Variants in BLTP3A observed in about 807,000 individuals in gnomAD.
BLTP3A encodes bridge-like lipid transfer protein family member 3A, also known as ICBP90 binding protein 1.
At chr6:34,795,404 GT>G in the BLTP3A span, among the ~76,000 whole-genome samples, 17 of 138,594 alleles carry the variant, frequency 1.2e-4, no homozygotes, top group African/African-American at 1.9e-4. Flanking sequence ...TTTGTTTTTT[GT>G]TTTTTTTTTT....
chr6:34,844,776 G>A, the BLTP3A span, among the ~76,000 whole-genome samples: 1 of 152,172 alleles, frequency 6.6e-6, no homozygotes, highest in East Asian at 1.9e-4. Context: ...TGAATAGTTT[G>A]CAAATGTTTT....
At chr6:34,849,414 C>A in the BLTP3A span, among the ~76,000 whole-genome samples, 1 of 152,064 alleles carries the variant, frequency 6.6e-6, no homozygotes, top group African/African-American at 2.4e-5. Context: ...ACACTGATTA[C>A]AAAAACAAAC....
At chr6:34,792,234 C>G in the BLTP3A span, 1 of 1,533,962 alleles carries the variant, frequency 6.5e-7, no homozygotes, top group Non-Finnish European at 8.8e-7. Flanking sequence ...GCCTTCCACG[C>G]GGGCCGCGGC....
At chr6:34,799,726 A>G in the BLTP3A span, among the ~76,000 whole-genome samples, 1 of 152,204 alleles carries the variant, frequency 6.6e-6, no homozygotes, top group Non-Finnish European at 1.5e-5. Context: ...AGCTTCTCCA[A>G]GTTTCAATTT....
the BLTP3A span, among the ~76,000 whole-genome samples, chr6:34,822,713 C>T: frequency 1.3e-5 from 2 of 151,734 alleles, no homozygotes; most frequent in African/African-American, 2.4e-5. Context: ...AAAAATTAGC[C>T]AGGTGTGGTG....
chr6:34,850,115 C>T, the BLTP3A span, among the ~76,000 whole-genome samples: 1 of 151,582 alleles, frequency 6.6e-6, no homozygotes, highest in Admixed American at 6.6e-5. Context: ...TGCACTCCAG[C>T]CTGGGTGACA....
At chr6:34,828,096 C>A in the BLTP3A span, among the ~76,000 whole-genome samples, 1 of 151,982 alleles carries the variant, frequency 6.6e-6, no homozygotes, top group Non-Finnish European at 1.5e-5. Context: ...CACCTTTTTT[C>A]TGTACAACAT....
the BLTP3A span, chr6:34,822,079 G>T: frequency 8.4e-7 from 1 of 1,185,764 alleles, no homozygotes; most frequent in East Asian, 2.4e-5. Context: ...ATGTCCCTGT[G>T]AGCTTCTCTC....
chr6:34,823,643 A>G, the BLTP3A span, among the ~76,000 whole-genome samples: 5 of 150,820 alleles, frequency 3.3e-5, no homozygotes, highest in Non-Finnish European at 3.0e-5. Context: ...CCTGGGCTCA[A>G]TCAGTCCTTC....
chr6:34,844,065 C>G, the BLTP3A span, among the ~76,000 whole-genome samples: 2 of 151,662 alleles, frequency 1.3e-5, no homozygotes, highest in Non-Finnish European at 2.9e-5. Context: ...ACTGCAAGCT[C>G]CGCCTCCCAG....
chr6:34,819,146 T>C, the BLTP3A span, among the ~76,000 whole-genome samples: 2 of 142,064 alleles, frequency 1.4e-5, no homozygotes, highest in African/African-American at 5.4e-5. Context: ...TTTTTCTTTT[T>C]TTTTTTTTAC....
chr6:34,835,428 C>T, the BLTP3A span: 2 of 1,614,038 alleles, frequency 1.2e-6, no homozygotes, highest in African/African-American at 1.3e-5. Flanking sequence ...AGAAGTCAGC[C>T]CATCAAAGAA....
At chr6:34,840,491 A>C in the BLTP3A span, among the ~76,000 whole-genome samples, 1 of 150,846 alleles carries the variant, frequency 6.6e-6, no homozygotes, top group African/African-American at 2.4e-5. Flanking sequence ...GCTTGAACCC[A>C]GGAGGTGGAG....
the BLTP3A span, among the ~76,000 whole-genome samples, chr6:34,851,356 A>G: frequency 6.8e-4 from 103 of 152,324 alleles, 1 homozygote; most frequent in Middle Eastern, 3.4e-3. Flanking sequence ...CTGTATCTGC[A>G]TCAAGGGACA....
the BLTP3A span, among the ~76,000 whole-genome samples, chr6:34,820,802 C>T: frequency 6.3e-3 from 925 of 145,734 alleles, 18 homozygotes; most frequent in African/African-American, 0.023. Flanking sequence ...TAGGCATGCA[C>T]CACCATGCCT....
chr6:34,837,647 C>T, the BLTP3A span, among the ~76,000 whole-genome samples: 255 of 152,160 alleles, frequency 1.7e-3, no homozygotes, highest in African/African-American at 5.8e-3. Context: ...CCACTACACT[C>T]CAGCCTGGGT....
At chr6:34,856,579 A>G in the BLTP3A span, among the ~76,000 whole-genome samples, 2 of 152,232 alleles carry the variant, frequency 1.3e-5, no homozygotes, top group Admixed American at 6.5e-5. Context: ...GGATAGCCAC[A>G]GTGTTGATGT....
At chr6:34,875,087 T>C in the BLTP3A span, 1 of 152,582 alleles carries the variant, frequency 6.6e-6, no homozygotes, top group Non-Finnish European at 1.5e-5. Flanking sequence ...TCATAGCAAA[T>C]CAGAAATGTA....
the BLTP3A span, among the ~76,000 whole-genome samples, chr6:34,848,865 C>T: frequency 6.7e-6 from 1 of 149,578 alleles, no homozygotes; most frequent in Non-Finnish European, 1.5e-5. Context: ...AATTTGGTTT[C>T]TGGCCTTCTT....
Sources: allele counts gnomAD v4.1 joint callset (sites outside exome capture counted in the v4.1 genomes callset), GRCh38; gene constraint gnomAD v4.1.1; transcripts MANE v1.5; gene names NCBI Gene and HGNC (gene_info 2026-07-23, HGNC 2026-07-21).